ODF2L: variants seen among roughly 807,000 people sequenced by gnomAD.
ODF2L encodes protein BCAP.
A neutral mutation model predicts 86.3 loss-of-function variants in ODF2L; 76 were observed. The observed-to-expected ratio is 0.88, with a 90% CI of 0.73 to 1.07. ODF2L has a LOEUF of 1.07. ODF2L is among the 50% of genes least tolerant of loss of function. ODF2L has a pLI of 0.00. For synonymous variants in ODF2L, 241 were observed against 231.3 expected (o/e 1.04, Z -0.38); for missense variants, 748 against 717.4 (o/e 1.04, Z -0.49).
At chr1:86,348,977 ATTC>A, downstream of ODF2L, 2 of 1,237,028 alleles carry the variant, frequency 1.6e-6, no homozygotes, top group East Asian at 3.3e-5. Flanking sequence ...TAACTAGATA[ATTC>A]TTTTTGATTT....
exon 7 of ODF2L, chr1:86,382,296 C>T (rs762269772): frequency 1.2e-6 from 2 of 1,612,316 alleles, no homozygotes; most frequent in Admixed American, 1.7e-5. Context: ...GAATTTGGAT[C>T]TGTAGTCGTT....
intron 13 of ODF2L, chr1:86,358,313 G>A: frequency 6.6e-6 from 1 of 152,394 alleles, no homozygotes; most frequent in East Asian, 1.9e-4. Context: ...GCCAACACTG[G>A]CCTTCCCTTC....
At chr1:86,379,947 G>A (rs1277258416) in intron 7 of ODF2L, among the ~76,000 whole-genome samples, 1 of 152,106 alleles carries the variant, frequency 6.6e-6, no homozygotes, top group African/African-American at 2.4e-5. Context: ...TGAGGGATGT[G>A]ATTTAATGTG....
chr1:86,382,961 T>C (rs1303847870), exon 6 of ODF2L: 1 of 1,572,654 alleles, frequency 6.4e-7, no homozygotes, highest in Non-Finnish European at 8.7e-7. Context: ...AAGAAAGTTC[T>C]TGGATATGGG....
In ODF2L at chr1:86,371,170, A is replaced by G; in HGVS notation, c.921-17T>C. The stretch of plus-strand genomic sequence containing the variant: ...ATGATTTGCCTTTATAAAATCAATG[A>G]CACATTTTATAAAAGTCATAAAAAT... On this transcript the variant is annotated splice_polypyrimidine_tract_variant and intron_variant, in intron 9 of 17. Coordinates refer to ENST00000317336, the Ensembl canonical transcript of ODF2L. 4 of 1,337,398 alleles carry G rather than the reference A, an allele frequency of 3.0e-6. No homozygotes were observed. Among genetic ancestry groups the G allele is most frequent in the Non-Finnish European group, 4.0e-6 (4 of 991,842 alleles). The allele number at this position is 1,337,398 out of a possible 1,614,324, so 82.8% of individuals were successfully genotyped here.
At chr1:86,371,360 T>C (rs556837383) in intron 9 of ODF2L, among the ~76,000 whole-genome samples, 72 of 152,240 alleles carry the variant, frequency 4.7e-4, no homozygotes, top group African/African-American at 1.6e-3. Flanking sequence ...TTAGAAACAA[T>C]TGCCCACTGA....
At chr1:86,366,624 T>A in intron 11 of ODF2L, among the ~76,000 whole-genome samples, 4 of 142,638 alleles carry the variant, frequency 2.8e-5, no homozygotes, top group East Asian at 2.0e-4. Flanking sequence ...AAAGTGCCAA[T>A]TGGAAACAAT....
intron 9 of ODF2L, 148 bp from the exon 10 acceptor site, chr1:86,371,301 GA>G (rs1324429255): frequency 2.2e-6 from 1 of 453,060 alleles, no homozygotes; most frequent in Non-Finnish European, 3.8e-6. Flanking sequence ...CATAGAACAA[GA>G]AAAATAAGAA....
chr1:86,359,875 G>A (rs1361418931), intron 12 of ODF2L, among the ~76,000 whole-genome samples: 1 of 152,002 alleles, frequency 6.6e-6, no homozygotes, highest in Non-Finnish European at 1.5e-5. Context: ...ATCATGCAAG[G>A]ACCTGCATAA....
exon 18 of ODF2L, chr1:86,350,423 G>T (rs898089351): frequency 2.6e-5 from 4 of 152,146 alleles, no homozygotes; most frequent in Admixed American, 1.3e-4. Context: ...TCCCTGCAAA[G>T]GACATGAACT....
chr1:86,376,844 A>G (rs1024899774), intron 7 of ODF2L, among the ~76,000 whole-genome samples: 12 of 152,166 alleles, frequency 7.9e-5, no homozygotes, highest in Non-Finnish European at 1.2e-4. Flanking sequence ...AAGGATTACA[A>G]TTCAAAATGA....
intron 11 of ODF2L, among the ~76,000 whole-genome samples, chr1:86,363,020 T>C (rs374253172): frequency 2.7e-5 from 4 of 150,926 alleles, no homozygotes; most frequent in African/African-American, 9.9e-5. Context: ...GGGCCAGGGC[T>C]GAAGCAAGGA....
At chr1:86,352,335 G>T (rs1291331275) in intron 17 of ODF2L, 30 of 1,150,822 alleles carry the variant, frequency 2.6e-5, no homozygotes, top group Non-Finnish European at 3.3e-5. Context: ...TGAGTATTCA[G>T]GAAAAAAAAC....
chr1:86,382,465 TA>T, intron 6 of ODF2L, 107 bp from the exon 7 acceptor site: 1 of 1,524,690 alleles, frequency 6.6e-7, no homozygotes, highest in Non-Finnish European at 8.7e-7. Flanking sequence ...AAACAGCTGA[TA>T]AAAAGCAAAG....
At chr1:86,372,461 T>C (rs1476338454) in exon 9 of ODF2L, 5 of 1,504,184 alleles carry the variant, frequency 3.3e-6, no homozygotes, top group Middle Eastern at 4.6e-4. Context: ...TACTTCCAAT[T>C]CGGTTTTTTC....
In ODF2L at chr1:86,372,121, G is replaced by A. The variant is rs149952901; in HGVS notation, c.920+310C>T. On this transcript the variant is annotated intron_variant, in intron 9 of 17. Coordinates refer to ENST00000317336, the Ensembl canonical transcript of ODF2L. ...GGAAAATCACTTGAACCCAGGAGGC[G>A]GAGGTTGCAGTGAGCTGAGATTGCA... 3.8e-3 allele frequency among the ~76,000 whole-genome samples: 580 copies of A among 151,226 alleles called. 3 individuals are homozygous for A. Among genetic ancestry groups the A allele is most frequent in the African/African-American group, 0.013 (536 of 41,258 alleles).
intron 11 of ODF2L, among the ~76,000 whole-genome samples, chr1:86,366,987 C>T (rs1486352967): frequency 1.3e-5 from 2 of 151,936 alleles, no homozygotes; most frequent in Non-Finnish European, 2.9e-5. Flanking sequence ...ACAAGGTCTA[C>T]AAAGTACTTA....
At chr1:86,354,059 T>C (rs1431038021) in intron 16 of ODF2L, among the ~76,000 whole-genome samples, 1 of 152,224 alleles carries the variant, frequency 6.6e-6, no homozygotes, top group Non-Finnish European at 1.5e-5. Flanking sequence ...GTCTTATTCA[T>C]CTTTGCATCT....
chr1:86,349,038 TTTAAAA>T (rs1000017063), downstream of ODF2L: 142 of 608,010 alleles, frequency 2.3e-4, no homozygotes, highest in African/African-American at 2.5e-3. Flanking sequence ...GAGCTCACTC[TTTAAAA>T]TTAATAATTA....
Sources: allele counts gnomAD v4.1 joint callset (sites outside exome capture counted in the v4.1 genomes callset), GRCh38; gene constraint gnomAD v4.1.1; transcripts MANE v1.5; gene names NCBI Gene and HGNC (gene_info 2026-07-23, HGNC 2026-07-21).